PCDHGA4: variants seen among roughly 807,000 people sequenced by gnomAD.
PCDHGA4 encodes protocadherin gamma subfamily A, 4.
PCDHGA4 carries 38 observed loss-of-function variants against 54.6 expected under a neutral mutation model. The ratio of observed to expected loss-of-function variants is 0.70; its 90% CI spans 0.54 to 0.91. The LOEUF is 0.91. Among genes scored for constraint, PCDHGA4 ranks in the 40% least tolerant of loss-of-function variants. The probability of loss-of-function intolerance (pLI) is 0.00; values close to 1 mark genes in which losing one functional copy is unlikely to be tolerated. For missense variants in PCDHGA4, 1,298 were observed against 1,220.9 expected (o/e 1.06, Z -0.94); for synonymous variants, 511 against 512.9 (o/e 1.00, Z 0.05).
Position 141,485,060 on chromosome 5 carries a change from G to T in PCDHGA4, c.2515-9747G>T. The T allele has an allele frequency of 1.2e-6, 1 of 862,304 alleles. No individual in the cohort carries two copies. 53.4% of individuals were successfully genotyped at this position (862,304 alleles called of 1,614,324 possible). ...ACCCTTGCGGCGCCGGCCGAACCGC[G>T]CCAGAGCTGGCGCGGGGAAAGGGAG... On this transcript the variant is annotated intron_variant, in intron 1 of 3. Coordinates refer to ENST00000571252, the MANE Select transcript of PCDHGA4 (RefSeq NM_018917.4). The surrounding 1 kb of genome is among the most constrained non-coding windows in gnomAD (Gnocchi z 5.7).
rs201408987 is a variant in PCDHGA4, at chr5:141,476,857, C to T, written c.2515-17950C>T. 12 of 1,613,768 alleles carry T rather than the reference C, an allele frequency of 7.4e-6. No individual in the cohort carries two copies. The highest frequency in any genetic ancestry group is 1.0e-5 in the Non-Finnish European group (12 of 1,180,054). ...ACAATGCGCCTGTCTTCAACCAGTC[C>T]TTGTACCGGGCGCGCGTCCTGGAGG... On this transcript the variant is annotated intron_variant, in intron 1 of 3. Transcript: ENST00000571252. The surrounding 1 kb of genome is among the most constrained non-coding windows in gnomAD (Gnocchi z 7.6).
intron 1 of PCDHGA4, chr5:141,382,913 C>G: frequency 5.2e-6 from 8 of 1,553,234 alleles, no homozygotes; most frequent in Non-Finnish European, 7.0e-6. Context: ...GCGGCTCAGC[C>G]GAGGGGCGGG....
At chr5:141,454,331 T>G (rs1244660733) in intron 1 of PCDHGA4, among the ~76,000 whole-genome samples, 1 of 152,180 alleles carries the variant, frequency 6.6e-6, no homozygotes, top group Non-Finnish European at 1.5e-5. Context: ...CAAGAATAAA[T>G]AAAATGTTGG....
chr5:141,365,561 G>A lies in PCDHGA4; in HGVS notation c.2514+7940G>A. On this transcript the variant is annotated intron_variant, in intron 1 of 3. Coordinates refer to ENST00000571252, the MANE Select transcript of PCDHGA4 (RefSeq NM_018917.4). Reference sequence around the variant, plus strand: ...TCACCTATTAACAACTAGGGACCTGGACAGAGAAGAGACTTCAGATTATAA... The same window carrying A: ...TCACCTATTAACAACTAGGGACCTGAACAGAGAAGAGACTTCAGATTATAA... 2 of 1,613,682 alleles carry A rather than the reference G, an allele frequency of 1.2e-6. No homozygotes were observed. The highest frequency in any genetic ancestry group is 1.7e-6 in the Non-Finnish European group (2 of 1,179,886).
chr5:141,491,876 A>G lies in PCDHGA4; in HGVS notation c.2515-2931A>G. ...TTGCGCGAAACCAGAGTGGCCGATT[A>G]AGGGATGGGGCTCCGAGCACCGGGG... On this transcript the variant is annotated intron_variant, in intron 1 of 3. Coordinates refer to ENST00000571252, the MANE Select transcript of PCDHGA4 (RefSeq NM_018917.4). The surrounding 1 kb of genome is among the most constrained non-coding windows in gnomAD (Gnocchi z 6.9). 2.1e-6 allele frequency: 3 copies of G among 1,450,326 alleles called. No individual in the cohort carries two copies. Among genetic ancestry groups the G allele is most frequent in the Non-Finnish European group, 1.8e-6 (2 of 1,097,472 alleles). 89.8% of individuals were successfully genotyped at this position (1,450,326 alleles called of 1,614,324 possible).
chr5:141,444,800 A>G (rs1294854513), intron 1 of PCDHGA4, among the ~76,000 whole-genome samples: 1 of 152,078 alleles, frequency 6.6e-6, no homozygotes, highest in East Asian at 1.9e-4. Flanking sequence ...CTATTCTTTT[A>G]CTAATAGCAC....
rs775204388 is a variant in PCDHGA4, at chr5:141,490,235, G to T, written c.2515-4572G>T. On this transcript the variant is annotated intron_variant, in intron 1 of 3. Transcript: ENST00000571252. This position sits in a 1 kb window ranked among gnomAD's most constrained non-coding sequence, Gnocchi z 5.4. ...GACCAGGGACAGCCTGCCATGGAGG[G>T]CCACTGTGTGATTCAAGTGGATGTG... 1 of 1,614,228 alleles carries T rather than the reference G, an allele frequency of 6.2e-7. No homozygotes were observed. The highest frequency in any genetic ancestry group is 1.1e-5 in the South Asian group (1 of 91,084).
In PCDHGA4 at chr5:141,355,704, G is replaced by A. The variant is rs1022748155; in HGVS notation, c.597G>A (p.Gln199=). The A allele has an allele frequency of 6.2e-7, 1 of 1,613,868 alleles. No homozygotes were observed. Among genetic ancestry groups the A allele is most frequent in the East Asian group, 2.2e-5 (1 of 44,892 alleles). ...CGGATGTAGGTGTAAACTCCCTGCAGGGTTACCAGCTCAACTCAAACGGTT... is the reference window on the plus strand; with the variant it reads ...CGGATGTAGGTGTAAACTCCCTGCAAGGTTACCAGCTCAACTCAAACGGTT... The part of the protein sequence containing the change: ...FDPDVGVNSL[Q]GYQLNSNGYF... The change falls in exon 1 of 4, where the codon CAG becomes CAA. Residue 199 remains glutamine (Q), a synonymous_variant. Transcript: ENST00000571252.
At chr5:141,459,670 T>A (rs890411975) in intron 1 of PCDHGA4, among the ~76,000 whole-genome samples, 4 of 152,264 alleles carry the variant, frequency 2.6e-5, no homozygotes, top group African/African-American at 9.6e-5. Context: ...TACATTTTCA[T>A]GAGCAATGCA....
intron 1 of PCDHGA4, chr5:141,492,006 G>T (rs2099736069): frequency 7.8e-6 from 5 of 643,420 alleles, no homozygotes; most frequent in Non-Finnish European, 1.3e-5. Context: ...GGCGATTTCC[G>T]CGGGTGTCGG....
Position 141,375,597 on chromosome 5 carries a change from T to A in PCDHGA4, c.2514+17976T>A, listed in dbSNP as rs752006849. ...CAGGGGGCGCCCCTGTCCTCCTACG[T>A]GTCCATCAACTCCGACACTGGGATT... On this transcript the variant is annotated intron_variant, in intron 1 of 3. Transcript: ENST00000571252. The A allele has an allele frequency of 1.4e-5, 22 of 1,614,042 alleles. No homozygotes were observed. In the Middle Eastern group the frequency reaches 4.9e-4, roughly 36 times the overall value.
intron 2 of PCDHGA4, among the ~76,000 whole-genome samples, chr5:141,497,332 A>G (rs537994715): frequency 6.6e-6 from 1 of 152,024 alleles, no homozygotes; most frequent in Non-Finnish European, 1.5e-5. Context: ...AGAATTCACC[A>G]TTGAACCTGG....
chr5:141,399,817 G>T (rs369747431), intron 1 of PCDHGA4: 1 of 1,613,224 alleles, frequency 6.2e-7, no homozygotes, highest in South Asian at 1.1e-5. Flanking sequence ...CCCCGCGCTG[G>T]GTCCCGACGG....
intron 1 of PCDHGA4, chr5:141,418,567 T>C: frequency 6.2e-7 from 1 of 1,614,014 alleles, no homozygotes; most frequent in Non-Finnish European, 8.5e-7. Flanking sequence ...TAGATGCCAA[T>C]GACAACCCCC....
At position 141,432,587 on chromosome 5, in the gene PCDHGA4, A is replaced by G. The variant is rs1344597432; in HGVS notation, c.2515-62220A>G. 5 of 1,613,132 alleles carry G rather than the reference A, an allele frequency of 3.1e-6. No homozygotes were observed. In the East Asian group the frequency reaches 8.9e-5, roughly 29 times the overall value. ...CGCCTGGCTGTCCTACCGTCTGCTC[A>G]AGGCCAGCGAGCCGGGACTCTTCTC... On this transcript the variant is annotated intron_variant, in intron 1 of 3. Transcript: ENST00000571252. This position sits in a 1 kb window ranked among gnomAD's most constrained non-coding sequence, Gnocchi z 6.0.
At chr5:141,419,139 G>C in intron 1 of PCDHGA4, 1 of 1,613,916 alleles carries the variant, frequency 6.2e-7, no homozygotes, top group South Asian at 1.1e-5. Flanking sequence ...GCCACAGACA[G>C]GGGCAAGCCT....
intron 1 of PCDHGA4, chr5:141,392,764 C>T (rs1589161528): frequency 1.4e-6 from 2 of 1,480,722 alleles, no homozygotes; most frequent in South Asian, 2.8e-5. Context: ...CTAAATAAGA[C>T]CCATTTATGC....
At chr5:141,447,023 G>GTT (rs5871773) in intron 1 of PCDHGA4, among the ~76,000 whole-genome samples, 2,010 of 151,524 alleles carry the variant, frequency 0.013, 40 homozygotes, top group African/African-American at 0.047. Context: ...GTTTTGTTTT[G>GTT]TTTTTTTTCT....
At chr5:141,505,241 T>C in intron 2 of PCDHGA4, 152 bp from the exon 3 acceptor site, 3 of 1,396,292 alleles carry the variant, frequency 2.1e-6, no homozygotes, top group South Asian at 1.4e-5. Flanking sequence ...TTCTGAAGGA[T>C]TGTAGAAGTG....
Sources: gnomAD v4.1 joint callset for allele counts (sites outside exome capture counted in the v4.1 genomes callset) on GRCh38, gnomAD v4.1.1 for gene constraint, Gnocchi (gnomAD v3.1) non-coding constraint, MANE v1.5 for transcripts, NCBI Gene and HGNC (gene_info 2026-07-23, HGNC 2026-07-21) for gene names.